TTC13: variants seen among roughly 807,000 people sequenced by gnomAD.
TTC13 encodes tetratricopeptide repeat protein 13.
TTC13 carries 62 observed loss-of-function variants against 120.0 expected under a neutral mutation model. The ratio of observed to expected loss-of-function variants is 0.52; its 90% CI spans 0.42 to 0.64. The LOEUF (loss-of-function observed/expected upper bound fraction) is 0.64. TTC13 is among the 30% of genes least tolerant of loss of function. The pLI is 0.00. For synonymous variants in TTC13, 384 were observed against 393.5 expected, an observed-to-expected ratio of 0.98 and a Z score of 0.28; for missense variants, 824 against 1,050.2, an observed-to-expected ratio of 0.78 and a Z score of 2.98.
At chr1:230,955,533 T>TG (rs1216448862) in intron 3 of TTC13, among the ~76,000 whole-genome samples, 12 of 147,646 alleles carry the variant, frequency 8.1e-5, no homozygotes, top group African/African-American at 3.0e-4. Flanking sequence ...TAGCTGGGCG[T>TG]GGTGGCGGGT....
intron 1 of TTC13, among the ~76,000 whole-genome samples, chr1:230,977,171 T>C (rs936159109): frequency 5.3e-5 from 8 of 152,160 alleles, no homozygotes; most frequent in Non-Finnish European, 1.2e-4. Context: ...AATGAGGTGG[T>C]TATTGTTTTT....
chr1:230,937,893 G>A (rs1318417510), intron 8 of TTC13, among the ~76,000 whole-genome samples: 1 of 152,216 alleles, frequency 6.6e-6, no homozygotes, highest in African/African-American at 2.4e-5. Flanking sequence ...TGCCCATGGA[G>A]CTTGGAGCGA....
chr1:230,919,885 G>T (rs1051904562), intron 17 of TTC13, among the ~76,000 whole-genome samples: 21 of 152,172 alleles, frequency 1.4e-4, no homozygotes, highest in African/African-American at 5.1e-4. Context: ...GCCACTCTCT[G>T]CTGAGCCTCT....
intron 1 of TTC13, among the ~76,000 whole-genome samples, chr1:230,973,840 C>T (rs12024009): frequency 0.096 from 14,587 of 151,962 alleles, 713 homozygotes; most frequent in South Asian, 0.18. Context: ...CACTTTGGGA[C>T]GCTGAGGTGG....
intron 4 of TTC13, among the ~76,000 whole-genome samples, chr1:230,946,303 C>T (rs1406064353): frequency 6.6e-6 from 1 of 152,176 alleles, no homozygotes; most frequent in Non-Finnish European, 1.5e-5. Flanking sequence ...GCACTGGATT[C>T]TCCAGAAAGA....
chr1:230,954,121 A>C (rs1198130247), intron 4 of TTC13, among the ~76,000 whole-genome samples: 1 of 152,162 alleles, frequency 6.6e-6, no homozygotes, highest in African/African-American at 2.4e-5. Context: ...TCTCATTTAA[A>C]ATGAAGTTTT....
intron 3 of TTC13, among the ~76,000 whole-genome samples, chr1:230,954,931 C>T (rs77024224): frequency 1.9e-3 from 284 of 152,260 alleles, no homozygotes; most frequent in Non-Finnish European, 3.5e-3. Flanking sequence ...ACCACTATAA[C>T]GCAATGACAG....
intron 7 of TTC13, among the ~76,000 whole-genome samples, chr1:230,939,788 G>A (rs74143519): frequency 0.011 from 1,644 of 152,302 alleles, 30 homozygotes; most frequent in African/African-American, 0.037. Context: ...TAATCTGTTA[G>A]AGAAATTTCT....
intron 21 of TTC13, 24 bp from the exon 22 acceptor site, chr1:230,908,815 A>G: frequency 6.2e-7 from 1 of 1,611,112 alleles, no homozygotes; most frequent in South Asian, 1.1e-5. Flanking sequence ...ACATTTAGGA[A>G]TGTTACTAAA....
At position 230,928,918 on chromosome 1, in the gene TTC13, CT is replaced by C. The variant is rs1378710906; in HGVS notation, c.1457+18del. 6.2e-7 allele frequency: 1 copy of C among 1,611,710 alleles called. No homozygotes were observed. The highest frequency in any genetic ancestry group is 8.5e-7 in the Non-Finnish European group (1 of 1,178,786). On this transcript the variant is annotated intron_variant, in intron 12 of 22. Coordinates refer to ENST00000366661, the MANE Select transcript of TTC13 (RefSeq NM_024525.5). ...TTTTGAGAAAGGAAAAAAAAATCATCTTCATTTAAAGCACTTACTTTATGTG... is the reference window on the plus strand; with the variant it reads ...TTTTGAGAAAGGAAAAAAAAATCATCTCATTTAAAGCACTTACTTTATGTG...
At chr1:230,938,706 C>A (rs560697294) in intron 8 of TTC13, among the ~76,000 whole-genome samples, 1 of 152,316 alleles carries the variant, frequency 6.6e-6, no homozygotes, top group Admixed American at 6.5e-5. Flanking sequence ...TCCCTCATCT[C>A]CTCAGCCACC....
chr1:230,964,445 T>C (rs1292170266), intron 1 of TTC13, among the ~76,000 whole-genome samples: 1 of 152,214 alleles, frequency 6.6e-6, no homozygotes, highest in Non-Finnish European at 1.5e-5. Flanking sequence ...TTTTTAATCT[T>C]TCCCAATCTG....
Position 230,906,772 on chromosome 1 carries a change from C to G in TTC13, c.*133G>C. ...TTCAGAAAAGTAAAGAAAATGATTT[C>G]AAGTATTCAATTCCTATAAAAATTG... On this transcript the variant is annotated 3_prime_UTR_variant, in exon 23 of 23. Transcript: ENST00000366661. 2.4e-6 allele frequency: 1 copy of G among 413,044 alleles called. No individual in the cohort carries two copies. The allele number at this position is 413,044 out of a possible 1,614,324, so 25.6% of individuals were successfully genotyped here.
intron 8 of TTC13, among the ~76,000 whole-genome samples, chr1:230,938,380 C>G (rs1486752789): frequency 2.6e-5 from 4 of 152,178 alleles, no homozygotes; most frequent in African/African-American, 4.8e-5. Context: ...CCGTCAGGTT[C>G]CAGGCCCCCG....
chr1:230,943,944 C>A (rs1674754337), intron 5 of TTC13, 46 bp from the exon 6 acceptor site: 1 of 1,440,964 alleles, frequency 6.9e-7, no homozygotes, highest in Non-Finnish European at 9.4e-7. Context: ...TTACTCAAAA[C>A]CAGGCTGAAA....
At chr1:230,921,683 C>T (rs1672590162) in intron 15 of TTC13, among the ~76,000 whole-genome samples, 179 bp from the exon 16 acceptor site, 1 of 152,160 alleles carries the variant, frequency 6.6e-6, no homozygotes, top group South Asian at 2.1e-4. Flanking sequence ...ACCGTCTTAG[C>T]AAGACTGCCT....
At position 230,920,498 on chromosome 1, in the gene TTC13, T is replaced by G. The variant is rs199657136; in HGVS notation, c.1983+12A>C. Reference sequence around the variant, plus strand: ...CTAAAAACATGGACTGCCATTCTGATGCTAAAGTTACCTTCATAATCGGAA... The same window carrying G: ...CTAAAAACATGGACTGCCATTCTGAGGCTAAAGTTACCTTCATAATCGGAA... On this transcript the variant is annotated intron_variant, in intron 17 of 22. Transcript: ENST00000366661. 1 of 1,603,230 alleles carries G rather than the reference T, an allele frequency of 6.2e-7. No homozygotes were observed.
At chr1:230,922,955 T>C (rs1221635614) in intron 15 of TTC13, among the ~76,000 whole-genome samples, 1 of 152,166 alleles carries the variant, frequency 6.6e-6, no homozygotes, top group Non-Finnish European at 1.5e-5. Context: ...CCACAAATTA[T>C]TCCATGAGAA....
At chr1:230,910,437 C>A (rs529902634) in intron 20 of TTC13, among the ~76,000 whole-genome samples, 2 of 152,204 alleles carry the variant, frequency 1.3e-5, no homozygotes, top group Non-Finnish European at 2.9e-5. Context: ...TGCTGGAGAG[C>A]CGCAGGGCAC....
Sources: allele counts gnomAD v4.1 joint callset (sites outside exome capture counted in the v4.1 genomes callset), GRCh38; gene constraint gnomAD v4.1.1; transcripts MANE v1.5; gene names NCBI Gene and HGNC (gene_info 2026-07-23, HGNC 2026-07-21).